TRIOBP: variants seen among roughly 807,000 people sequenced by gnomAD.
TRIOBP encodes TRIO and F-actin-binding protein.
A neutral mutation model predicts 238.8 loss-of-function variants in TRIOBP; 169 were observed. The observed-to-expected ratio is 0.71, with a 90% confidence interval of 0.62 to 0.80. The LOEUF is 0.80. Among genes scored for constraint, TRIOBP ranks in the 30% least tolerant of loss-of-function variants. The pLI is 0.00. For missense variants in TRIOBP, 2,838 were observed against 3,122.6 expected (o/e 0.91, Z 2.17); for synonymous variants, 1,150 against 1,274.4 (o/e 0.90, Z 2.08).
chr22:37,710,282 C>A, intron 3 of TRIOBP, 145 bp from the exon 4 acceptor site: 1 of 1,294,610 alleles, frequency 7.7e-7, no homozygotes, highest in Non-Finnish European at 1.1e-6. Flanking sequence ...AGGGGTGCTT[C>A]TAGCCTGATG....
At chr22:37,720,000 C>CTTTTTTTTTTT (rs869261824) in intron 6 of TRIOBP, among the ~76,000 whole-genome samples, 4 of 54,348 alleles carry the variant, frequency 7.4e-5, no homozygotes, top group Non-Finnish European at 9.7e-5. Context: ...CCCCCCCGCC[C>CTTTTTTTTTTT]TTTTTTTTTT....
At chr22:37,772,058 A>G (rs1020023018) in intron 22 of TRIOBP, among the ~76,000 whole-genome samples, 11 of 152,090 alleles carry the variant, frequency 7.2e-5, no homozygotes, top group Non-Finnish European at 1.2e-4. Context: ...ATAACCCCAA[A>G]TCTCTGCTGT....
intron 22 of TRIOBP, 124 bp from the exon 23 acceptor site, chr22:37,772,477 G>A (rs1926832023): frequency 7.2e-7 from 1 of 1,385,068 alleles, no homozygotes; most frequent in African/African-American, 1.4e-5. Flanking sequence ...ATCTTGGGGA[G>A]CCACCTGGAG....
intron 11 of TRIOBP, among the ~76,000 whole-genome samples, chr22:37,748,992 G>T (rs372808386): frequency 2.0e-5 from 3 of 152,172 alleles, no homozygotes; most frequent in Non-Finnish European, 4.4e-5. Flanking sequence ...TCAGCAAGGG[G>T]AGGCCAGGCT....
chr22:37,772,479 C>A, intron 22 of TRIOBP, 122 bp from the exon 23 acceptor site: 1 of 1,407,192 alleles, frequency 7.1e-7, no homozygotes, highest in South Asian at 1.2e-5. Flanking sequence ...CTTGGGGAGC[C>A]ACCTGGAGGG....
chr22:37,736,011 C>G (rs1418722212), intron 9 of TRIOBP, among the ~76,000 whole-genome samples: 1 of 152,258 alleles, frequency 6.6e-6, no homozygotes, highest in East Asian at 1.9e-4. Flanking sequence ...CCTACAGCTC[C>G]TCTCAGACAC....
intron 4 of TRIOBP, among the ~76,000 whole-genome samples, chr22:37,711,593 CA>C (rs1923243500): frequency 4.1e-5 from 1 of 24,202 alleles, no homozygotes; most frequent in Non-Finnish European, 1.2e-4. Flanking sequence ...AAAAAAAAAA[CA>C]ACAAAAAAAA....
chr22:37,709,114 G>C (rs1923101699), intron 3 of TRIOBP, among the ~76,000 whole-genome samples: 1 of 152,182 alleles, frequency 6.6e-6, no homozygotes, highest in Non-Finnish European at 1.5e-5. Context: ...GGGTGAAACT[G>C]AATCCCACCA....
chr22:37,729,359 G>A (rs1281353908), intron 7 of TRIOBP, among the ~76,000 whole-genome samples: 1 of 152,016 alleles, frequency 6.6e-6, no homozygotes, highest in Non-Finnish European at 1.5e-5. Context: ...GGGACTACAG[G>A]CGTGTACCAC....
intron 9 of TRIOBP, among the ~76,000 whole-genome samples, chr22:37,737,680 A>C (rs1041605494): frequency 1.9e-4 from 29 of 150,122 alleles, no homozygotes; most frequent in Admixed American, 4.0e-4. Flanking sequence ...AAAAAAAAAA[A>C]TCCTTGGCAT....
chr22:37,710,701 C>T (rs1923193351), intron 4 of TRIOBP, 135 bp downstream of exon 4: 2 of 1,272,132 alleles, frequency 1.6e-6, no homozygotes, highest in African/African-American at 1.5e-5. Flanking sequence ...GTCCTCTAAA[C>T]CTAGGCACAG....
intron 12 of TRIOBP, 27 bp from the exon 13 acceptor site, chr22:37,754,850 G>T: frequency 1.9e-6 from 3 of 1,608,500 alleles, no homozygotes; most frequent in Non-Finnish European, 2.6e-6. Flanking sequence ...CACACACACT[G>T]GCTCTTTCAT....
rs765554341 is a variant in TRIOBP, at chr22:37,723,233, G to A, written c.677G>A (p.Arg226Gln). The part of the protein sequence containing the change: ...RSAGQHWARL[R>Q]GESGLSLERH... ...GCAGGACAGCACTGGGCAAGGCTCC[G>A]GGGAGAAAGCGGGTTGTCCCTGGAG... Residue 226 changes from arginine (R) to glutamine (Q), a missense_variant, in exon 7 of 24, where the codon CGG (arginine) becomes CAG (glutamine). By Grantham distance (43) the Arg-to-Gln change is conservative. This residue lies in a region of TRIOBP where 535 missense variants were observed against 537.3 expected (regional missense o/e 1.00). Coordinates refer to ENST00000644935, the MANE Select transcript of TRIOBP (RefSeq NM_001039141.3). 20 of 1,613,896 alleles carry A rather than the reference G, an allele frequency of 1.2e-5. No individual in the cohort carries two copies. Among genetic ancestry groups the A allele is most frequent in the South Asian group, 5.5e-5 (5 of 91,066 alleles).
intron 3 of TRIOBP, among the ~76,000 whole-genome samples, chr22:37,707,488 C>A (rs1006684006): frequency 2.0e-5 from 3 of 152,056 alleles, no homozygotes; most frequent in Non-Finnish European, 4.4e-5. Context: ...CTGACTCTGT[C>A]TGCCTCACCC....
At chr22:37,747,539 G>A (rs1480538045) in intron 11 of TRIOBP, among the ~76,000 whole-genome samples, 1 of 152,172 alleles carries the variant, frequency 6.6e-6, no homozygotes, top group Non-Finnish European at 1.5e-5. Flanking sequence ...GGACTTCCTC[G>A]GCGTCCTCCT....
chr22:37,743,085 C>T (rs895030892), intron 11 of TRIOBP, among the ~76,000 whole-genome samples: 6 of 152,182 alleles, frequency 3.9e-5, no homozygotes, highest in Non-Finnish European at 8.8e-5. Flanking sequence ...TCTGGGAGTC[C>T]CCACAGATTT....
intron 17 of TRIOBP, chr22:37,759,529 C>T (rs566125511): frequency 8.1e-6 from 13 of 1,604,646 alleles, no homozygotes; most frequent in East Asian, 6.7e-5. Flanking sequence ...GGGATTTGAG[C>T]GAGGGTCCGG....
At chr22:37,721,895 G>A (rs982471050) in intron 6 of TRIOBP, among the ~76,000 whole-genome samples, 1 of 152,200 alleles carries the variant, frequency 6.6e-6, no homozygotes, top group African/African-American at 2.4e-5. Flanking sequence ...GGGATTGAGC[G>A]GGGTGGAGGG....
chr22:37,750,320 G>C (rs575865475), intron 11 of TRIOBP, among the ~76,000 whole-genome samples: 1 of 152,246 alleles, frequency 6.6e-6, no homozygotes, highest in African/African-American at 2.4e-5. Flanking sequence ...AGGAAGCCTG[G>C]CTCCTCCGGG....
Sources: allele counts gnomAD v4.1 joint callset (sites outside exome capture counted in the v4.1 genomes callset), GRCh38; gene constraint gnomAD v4.1.1; regional missense constraint gnomAD v4.1.1; transcripts MANE v1.5; gene names NCBI Gene and HGNC (gene_info 2026-07-23, HGNC 2026-07-21).